The following CHRM3 variants were observed in gnomAD, a reference collection of about 807,000 sequenced individuals.
CHRM3 encodes muscarinic acetylcholine receptor M3.
In CHRM3, 11 loss-of-function variants were observed where a neutral mutation model predicts 41.8. The ratio of observed to expected loss-of-function variants is 0.26; its 90% CI spans 0.17 to 0.44. CHRM3 has a LOEUF of 0.44. CHRM3 is among the 20% of genes least tolerant of loss of function. CHRM3 has a pLI of 1.00. For synonymous variants in CHRM3, 297 were observed against 301.4 expected, an observed-to-expected ratio of 0.99 and a Z score of 0.15; for missense variants, 571 against 745.4, an observed-to-expected ratio of 0.77 and a Z score of 2.72.
intron 1 of CHRM3, among the ~76,000 whole-genome samples, chr1:239,429,525 G>A (rs1414842097): frequency 3.3e-5 from 5 of 152,088 alleles, no homozygotes; most frequent in Non-Finnish European, 7.4e-5. Context: ...TGTAACATAT[G>A]CTATAAAACC....
chr1:239,471,703 A>G (rs1439975727), intron 1 of CHRM3, among the ~76,000 whole-genome samples: 1 of 152,226 alleles, frequency 6.6e-6, no homozygotes, highest in Admixed American at 6.5e-5. Flanking sequence ...CCAAGGCCTC[A>G]GAGGAAGAGA....
At chr1:239,475,876 A>C (rs1197428801) in intron 1 of CHRM3, among the ~76,000 whole-genome samples, 1 of 152,152 alleles carries the variant, frequency 6.6e-6, no homozygotes, top group East Asian at 1.9e-4. Flanking sequence ...CAATATTGAA[A>C]ATAATGCCAT....
intron 4 of CHRM3, among the ~76,000 whole-genome samples, chr1:239,659,657 A>T (rs1165220063): frequency 6.6e-6 from 1 of 152,214 alleles, no homozygotes; most frequent in Non-Finnish European, 1.5e-5. Flanking sequence ...GCAAGTGCCT[A>T]CCATAATGGA....
chr1:239,451,736 A>G (rs1664570686), intron 1 of CHRM3, among the ~76,000 whole-genome samples: 1 of 152,194 alleles, frequency 6.6e-6, no homozygotes, highest in Non-Finnish European at 1.5e-5. Flanking sequence ...AAATTTATAA[A>G]CACATTTTAA....
Position 239,509,206 on chromosome 1 carries a change from A to G in CHRM3, c.-422+16399A>G, listed in dbSNP as rs1668766401. ...AAATGTGCAGGGGAAGAGTGAATAT[A>G]TTTAGTTAATTTTATTTATTGAGAA... On this transcript the variant is annotated intron_variant, in intron 2 of 6. Coordinates refer to ENST00000676153, the MANE Select transcript of CHRM3 (RefSeq NM_001375978.1). Among the ~76,000 whole-genome samples the G allele has an allele frequency of 2.6e-5, 4 of 152,180 alleles. No homozygotes were observed. In the South Asian group the frequency reaches 8.3e-4, roughly 31 times the overall value.
At chr1:239,461,337 T>G (rs944426077) in intron 1 of CHRM3, among the ~76,000 whole-genome samples, 5 of 152,190 alleles carry the variant, frequency 3.3e-5, no homozygotes, top group Non-Finnish European at 7.3e-5. Context: ...TATCAACTGC[T>G]GCAGTTTTTG....
rs765213492 is a variant in CHRM3 at position 239,812,708 on chromosome 1, C to G, written c.-146-14544C>G. On this transcript the variant is annotated intron_variant, in intron 5 of 6. Coordinates refer to ENST00000676153, the MANE Select transcript of CHRM3 (RefSeq NM_001375978.1). The stretch of plus-strand genomic sequence containing the variant: ...TTATCATGCAAAATTAAACAGTGAT[C>G]TAGCCACCATGGGCTGGGTGCCTAC... Among the ~76,000 whole-genome samples the G allele has an allele frequency of 6.4e-4, 97 of 152,330 alleles. 2 individuals are homozygous for G. The highest frequency in any genetic ancestry group is 7.2e-4 in the Non-Finnish European group (49 of 68,036).
intron 1 of CHRM3, among the ~76,000 whole-genome samples, chr1:239,415,089 TAACA>T (rs1165370193): frequency 2.6e-5 from 4 of 152,180 alleles, no homozygotes; most frequent in African/African-American, 9.7e-5. Context: ...TGGAGTAAAG[TAACA>T]AACAAATCAC....
At chr1:239,750,767 C>T (rs1288790496) in intron 5 of CHRM3, among the ~76,000 whole-genome samples, 1 of 152,212 alleles carries the variant, frequency 6.6e-6, no homozygotes, top group Admixed American at 6.5e-5. Flanking sequence ...TCCATAAATT[C>T]TCTCTTACAA....
rs544799329 is a variant in CHRM3, at chr1:239,423,986, T to C, written c.-521+36759T>C. On this transcript the variant is annotated intron_variant, in intron 1 of 6. Transcript: ENST00000676153. ...AGGAGAATGGCGTGAACCCAGGAGG[T>C]GGAGCTTGCAGTGAGCCGAGATTGC... is the stretch of plus-strand genomic sequence containing the variant. Among the ~76,000 whole-genome samples the C allele has an allele frequency of 4.7e-3, 640 of 136,234 alleles. 3 individuals are homozygous for C. Among genetic ancestry groups the C allele is most frequent in the African/African-American group, 0.017 (611 of 35,362 alleles). The allele number at this position is 136,234 out of a possible 152,430, so 89.4% of individuals were successfully genotyped here.
intron 3 of CHRM3, among the ~76,000 whole-genome samples, chr1:239,588,765 C>G (rs1044520189): frequency 2.0e-5 from 3 of 152,068 alleles, no homozygotes; most frequent in African/African-American, 7.2e-5. Context: ...CTACCATCTA[C>G]AAAATTTGCA....
chr1:239,576,586 A>G (rs1662367698), intron 3 of CHRM3, among the ~76,000 whole-genome samples: 1 of 101,644 alleles, frequency 9.8e-6, no homozygotes, highest in African/African-American at 2.9e-5. Flanking sequence ...ACACACACAC[A>G]CACACACGCA....
intron 1 of CHRM3, among the ~76,000 whole-genome samples, chr1:239,459,751 C>A (rs59878502): frequency 0.021 from 3,252 of 152,158 alleles, 104 homozygotes; most frequent in African/African-American, 0.074. Flanking sequence ...TGCCATAAAG[C>A]AAATCTTAGT....
chr1:239,838,778 C>G (rs550996915), intron 6 of CHRM3, among the ~76,000 whole-genome samples: 2 of 152,120 alleles, frequency 1.3e-5, no homozygotes, highest in Admixed American at 6.5e-5. Flanking sequence ...TGTTATGGAC[C>G]CTTTGATGTG....
At chr1:239,561,771 C>G (rs1444963921) in intron 3 of CHRM3, among the ~76,000 whole-genome samples, 1 of 151,848 alleles carries the variant, frequency 6.6e-6, no homozygotes, top group Non-Finnish European at 1.5e-5. Context: ...GAGAAAATAC[C>G]TGGACTCTTG....
chr1:239,741,523 T>C (rs1427306535), intron 5 of CHRM3, among the ~76,000 whole-genome samples: 2 of 152,164 alleles, frequency 1.3e-5, no homozygotes, highest in Non-Finnish European at 2.9e-5. Flanking sequence ...GCTTCTGCTA[T>C]GTTCTCAGAT....
intron 3 of CHRM3, among the ~76,000 whole-genome samples, chr1:239,577,997 C>T (rs1015440568): frequency 7.2e-5 from 11 of 152,222 alleles, no homozygotes; most frequent in African/African-American, 2.6e-4. Context: ...GGTCATTCTT[C>T]CCAAGAATGT....
intron 4 of CHRM3, among the ~76,000 whole-genome samples, chr1:239,647,688 A>G (rs2148953149): frequency 6.6e-6 from 1 of 152,250 alleles, no homozygotes. Context: ...TTCATCCTAT[A>G]CTTCCAAAAC....
chr1:239,558,735 G>C (rs1660605970), intron 3 of CHRM3, among the ~76,000 whole-genome samples: 1 of 152,152 alleles, frequency 6.6e-6, no homozygotes. Flanking sequence ...CCTGGAAACT[G>C]TCTACTCATC....
Sources: gnomAD v4.1 joint callset for allele counts (sites outside exome capture counted in the v4.1 genomes callset) on GRCh38, gnomAD v4.1.1 for gene constraint, MANE v1.5 for transcripts, NCBI Gene and HGNC (gene_info 2026-07-23, HGNC 2026-07-21) for gene names.